The following SMCHD1 variants were observed in gnomAD, a reference collection of about 807,000 sequenced individuals.
SMCHD1 encodes structural maintenance of chromosomes flexible hinge domain containing 1.
SMCHD1 carries 78 observed loss-of-function variants against 254.7 expected under a neutral mutation model. The observed-to-expected ratio is 0.31, with a 90% CI of 0.26 to 0.37. The LOEUF is 0.37. Ranked by LOEUF, SMCHD1 falls within the 10% of genes least tolerant of loss-of-function variation. The pLI, the probability that SMCHD1 is intolerant of heterozygous loss-of-function variation, is 1.00. For synonymous variants in SMCHD1, 766 were observed against 794.9 expected, an observed-to-expected ratio of 0.96 and a Z score of 0.61; for missense variants, 1,840 against 2,408.1, an observed-to-expected ratio of 0.76 and a Z score of 4.94.
At chr18:2,752,347 G>T in intron 33 of SMCHD1, 141 bp from the exon 34 acceptor site, 1 of 638,308 alleles carries the variant, frequency 1.6e-6, no homozygotes, top group Non-Finnish European at 2.8e-6. Context: ...AGATATAAAC[G>T]TGTGTATATA....
rs768925386 is a variant in SMCHD1, at chr18:2,763,779, C to T, written c.4709C>T (p.Ala1570Val). The change falls in exon 37 of 48, where the codon GCT (alanine) becomes GTT (valine). Residue 1570 changes from alanine (A) to valine (V), a missense_variant. Ala to Val is a moderately conservative substitution (Grantham distance 64). Transcript: ENST00000320876. ...GAATTCCCCTTCGTGAATGGTTCGG[C>T]TGAAATCATGGTAAATTTTTTATAT... is the stretch of plus-strand genomic sequence containing the variant. ...TLEFPFVNGS[A>V]EIMSLVLAES... 2 of 1,604,846 alleles carry T rather than the reference C, an allele frequency of 1.2e-6. No homozygotes were observed. The highest frequency in any genetic ancestry group is 2.7e-5 in the African/African-American group (2 of 74,152).
At chr18:2,758,475 T>A (rs1248159413) in intron 34 of SMCHD1, among the ~76,000 whole-genome samples, 5 of 152,182 alleles carry the variant, frequency 3.3e-5, no homozygotes, top group African/African-American at 1.2e-4. Context: ...CAAGGCATCA[T>A]TTTTATTGCC....
chr18:2,690,862 A>G (rs1181034777), intron 7 of SMCHD1, among the ~76,000 whole-genome samples: 1 of 151,432 alleles, frequency 6.6e-6, no homozygotes, highest in Admixed American at 6.6e-5. Context: ...AGTCACATAC[A>G]CTTCCAACAA....
chr18:2,661,149 C>T (rs1045576301), intron 1 of SMCHD1, among the ~76,000 whole-genome samples: 4 of 151,958 alleles, frequency 2.6e-5, no homozygotes, highest in African/African-American at 4.8e-5. Flanking sequence ...GAACATAGGG[C>T]GGGGAACATC....
chr18:2,733,404 A>C (rs994236385), intron 25 of SMCHD1, among the ~76,000 whole-genome samples: 1 of 152,234 alleles, frequency 6.6e-6, no homozygotes, highest in African/African-American at 2.4e-5. Flanking sequence ...ATAATATGGG[A>C]GGTTACCTAG....
intron 1 of SMCHD1, among the ~76,000 whole-genome samples, chr18:2,660,928 C>G (rs1165040613): frequency 1.3e-5 from 2 of 152,120 alleles, no homozygotes; most frequent in African/African-American, 4.8e-5. Context: ...GGGACCAACA[C>G]AAATGCCTAT....
At chr18:2,737,445 A>T (rs913174120) in intron 25 of SMCHD1, among the ~76,000 whole-genome samples, 2 of 152,174 alleles carry the variant, frequency 1.3e-5, no homozygotes, top group African/African-American at 4.8e-5. Flanking sequence ...TTAAGGCCAG[A>T]TGTGGTGGCT....
Position 2,718,301 on chromosome 18 carries a change from C to T in SMCHD1, c.2339-14C>T. ...GTGTTGACTTGATTTTTAATTTCTT[C>T]TTAATTTATCCAGAAAATATTCAGA... On this transcript the variant is annotated splice_polypyrimidine_tract_variant and intron_variant, in intron 18 of 47. Coordinates refer to ENST00000320876, the MANE Select transcript of SMCHD1 (RefSeq NM_015295.3). This position sits in a 1 kb window ranked among gnomAD's most constrained non-coding sequence, Gnocchi z 4.6. 1 of 1,607,618 alleles carries T rather than the reference C, an allele frequency of 6.2e-7. No individual in the cohort carries two copies. Among genetic ancestry groups the T allele is most frequent in the African/African-American group, 1.3e-5 (1 of 74,688 alleles).
At chr18:2,796,775 G>C in intron 47 of SMCHD1, 2 of 383,908 alleles carry the variant, frequency 5.2e-6, no homozygotes, top group Non-Finnish European at 9.4e-6. Flanking sequence ...TAGAGATGGG[G>C]TTTCACTGTG....
intron 34 of SMCHD1, among the ~76,000 whole-genome samples, chr18:2,754,512 G>T (rs896490713): frequency 7.2e-5 from 11 of 152,214 alleles, no homozygotes; most frequent in Admixed American, 7.2e-4. Flanking sequence ...GTGACAATGC[G>T]TATAAAATGT....
chr18:2,747,683 T>C lies in SMCHD1; in HGVS notation c.3927+36T>C, dbSNP rs374792737. 8 of 1,457,846 alleles carry C rather than the reference T, an allele frequency of 5.5e-6. No individual in the cohort carries two copies. The East Asian group carries it at 1.7e-4, about 31-fold the overall frequency. 90.3% of individuals were successfully genotyped at this position (1,457,846 alleles called of 1,614,324 possible). A position where few individuals can be genotyped will look rare whatever the true frequency, so the allele number is the denominator to read the frequency against. On this transcript the variant is annotated intron_variant, in intron 30 of 47. Coordinates refer to ENST00000320876, the MANE Select transcript of SMCHD1 (RefSeq NM_015295.3). ...AACTTCCTTACATCTTCATTTAAAA[T>C]TCTGGATTTCATTTTCATGATAGTA...
intron 7 of SMCHD1, among the ~76,000 whole-genome samples, chr18:2,690,986 A>G (rs1363775304): frequency 1.4e-5 from 2 of 147,452 alleles, no homozygotes; most frequent in South Asian, 2.1e-4. Flanking sequence ...CTTTTCTTTC[A>G]TTAGTTGATG....
chr18:2,707,205 G>T (rs550836951), intron 15 of SMCHD1, among the ~76,000 whole-genome samples: 3 of 152,148 alleles, frequency 2.0e-5, no homozygotes, highest in Admixed American at 1.3e-4. Context: ...TTTTCTTCTT[G>T]TATAGCTAAT....
intron 5 of SMCHD1, among the ~76,000 whole-genome samples, chr18:2,685,378 C>T (rs1414129222): frequency 2.0e-5 from 3 of 152,036 alleles, no homozygotes; most frequent in Non-Finnish European, 2.9e-5. Flanking sequence ...GGATTACAGG[C>T]GTGAGCCACC....
rs1227853631 is a variant in SMCHD1, at chr18:2,655,821, G to A, written c.-255G>A. 1.2e-5 allele frequency: 4 copies of A among 326,748 alleles called. No homozygotes were observed. Among genetic ancestry groups the A allele is most frequent in the South Asian group, 3.1e-4 (2 of 6,438 alleles). 20.2% of individuals were successfully genotyped at this position (326,748 alleles called of 1,614,324 possible). ...CCGGGCCCGGTGAGGAGCGCGCCGC[G>A]CGTCCCCTTCTCCTCAGGAGTGGCG... is the stretch of plus-strand genomic sequence containing the variant. On this transcript the variant is annotated 5_prime_UTR_variant, in exon 1 of 48. Coordinates refer to ENST00000320876, the MANE Select transcript of SMCHD1 (RefSeq NM_015295.3).
rs1314848187 is a variant in SMCHD1, at chr18:2,743,782, G to T, written c.3655G>T (p.Val1219Leu). 6.2e-7 allele frequency: 1 copy of T among 1,612,518 alleles called. No individual in the cohort carries two copies. The highest frequency in any genetic ancestry group is 1.3e-5 in the African/African-American group (1 of 74,884). The change falls in exon 29 of 48, where the codon GTA becomes TTA. Residue 1219 changes from valine (V) to leucine (L), a missense_variant. Physicochemically the swap from Val to Leu is conservative, Grantham distance 32. Transcript: ENST00000320876. ...TFQENTQSIS[V>L]RGIKFIPGPP... ...CTAGGAAAACACACAGAGTATAAGTGTAAGAGGCATCAAATTTATTCCAGG... is the reference window on the plus strand; with the variant it reads ...CTAGGAAAACACACAGAGTATAAGTTTAAGAGGCATCAAATTTATTCCAGG...
chr18:2,800,695 C>G (rs1264180381), intron 47 of SMCHD1: 3 of 152,052 alleles, frequency 2.0e-5, no homozygotes, highest in Admixed American at 6.6e-5. Flanking sequence ...TTGCCCTATC[C>G]CAGTTATAGT....
intron 1 of SMCHD1, among the ~76,000 whole-genome samples, chr18:2,662,017 G>A (rs1451237067): frequency 7.0e-6 from 1 of 143,308 alleles, no homozygotes; most frequent in African/African-American, 2.9e-5. Context: ...AAATTAGCCG[G>A]GCGCGGTGGC....
At chr18:2,785,019 A>G (rs1598444241) in intron 45 of SMCHD1, 1 of 315,898 alleles carries the variant, frequency 3.2e-6, no homozygotes, top group African/African-American at 2.2e-5. Context: ...CATAATACTT[A>G]TTTCTATCTT....
Sources: gnomAD v4.1 joint callset for allele counts (sites outside exome capture counted in the v4.1 genomes callset) on GRCh38, gnomAD v4.1.1 for gene constraint, Gnocchi (gnomAD v3.1) non-coding constraint, MANE v1.5 for transcripts, NCBI Gene and HGNC (gene_info 2026-07-23, HGNC 2026-07-21) for gene names.